NKAIN3: variants seen among roughly 807,000 people sequenced by gnomAD.
The protein encoded by NKAIN3 is sodium/potassium transporting ATPase interacting 3, also known as sodium/potassium-transporting ATPase subunit beta-1-interacting protein 3.
In NKAIN3, 25 loss-of-function variants were observed where a neutral mutation model predicts 30.2. The ratio of observed to expected loss-of-function variants is 0.83; its 90% CI spans 0.60 to 1.16. The LOEUF is 1.16. Among genes scored for constraint, NKAIN3 ranks in the 50% most tolerant of loss-of-function variants. NKAIN3 has a pLI of 0.00. For synonymous variants in NKAIN3, 91 were observed against 89.6 expected, an observed-to-expected ratio of 1.02 and a Z score of -0.09; for missense variants, 225 against 254.1, an observed-to-expected ratio of 0.89 and a Z score of 0.78.
intron 1 of NKAIN3, among the ~76,000 whole-genome samples, chr8:62,266,318 T>A (rs1305066756): frequency 6.6e-6 from 1 of 152,122 alleles, no homozygotes. Flanking sequence ...TACTTTAGAG[T>A]GTGACATGAA....
Position 62,741,362 on chromosome 8 carries a change from A to AGAAGGACGGAAG in NKAIN3, c.274-5564_274-5563insCGGAAGGAAGGA, listed in dbSNP as rs1429910797. ...AGTGAGAGAGAAGAAAGAGAGAGAA[A>AGAAGGACGGAAG]GAAGGAAGGAAGGAAGGAAGGAAGG... On this transcript the variant is annotated intron_variant, in intron 3 of 6. Transcript: ENST00000623646. Among the ~76,000 whole-genome samples the AGAAGGACGGAAG allele has an allele frequency of 4.2e-4, 58 of 138,032 alleles. 1 individual carries two copies. The highest frequency in any genetic ancestry group is 1.9e-3 in the South Asian group (8 of 4,128). 90.6% of individuals were successfully genotyped at this position (138,032 alleles called of 152,430 possible). A position where few individuals can be genotyped will look rare whatever the true frequency, so the allele number is the denominator to read the frequency against.
chr8:62,409,287 C>A (rs1804167596), intron 1 of NKAIN3, among the ~76,000 whole-genome samples: 1 of 152,142 alleles, frequency 6.6e-6, no homozygotes, highest in Admixed American at 6.5e-5. Context: ...CAGGTTAAAG[C>A]AGTTCTCCTT....
intron 1 of NKAIN3, among the ~76,000 whole-genome samples, chr8:62,323,948 G>A (rs1815028777): frequency 6.6e-6 from 1 of 152,076 alleles, no homozygotes; most frequent in African/African-American, 2.4e-5. Context: ...AAGGGATTTT[G>A]GGGTACAGAG....
chr8:62,926,830 GA>G (rs1367145756), intron 5 of NKAIN3, among the ~76,000 whole-genome samples: 1 of 152,130 alleles, frequency 6.6e-6, no homozygotes, highest in Non-Finnish European at 1.5e-5. Flanking sequence ...CTTCCTGACA[GA>G]AAAAGCAGAC....
At chr8:62,560,732 G>C (rs1692773358) in intron 1 of NKAIN3, among the ~76,000 whole-genome samples, 1 of 151,046 alleles carries the variant, frequency 6.6e-6, no homozygotes, top group African/African-American at 2.4e-5. Flanking sequence ...GTAGAGATGG[G>C]GTTTCACCAT....
chr8:62,568,436 C>T (rs888371577), intron 1 of NKAIN3, among the ~76,000 whole-genome samples: 2 of 152,068 alleles, frequency 1.3e-5, no homozygotes, highest in Non-Finnish European at 2.9e-5. Flanking sequence ...AATATATTTG[C>T]CTTTTTCGAC....
intron 1 of NKAIN3, among the ~76,000 whole-genome samples, chr8:62,518,212 T>C (rs1808052667): frequency 6.6e-6 from 1 of 151,946 alleles, no homozygotes; most frequent in Admixed American, 6.6e-5. Context: ...ATACAAAAAT[T>C]AGCCAGGCAT....
rs146777008 is a variant in NKAIN3 at position 62,440,233 on chromosome 8, C to A, written c.55-139306C>A. ...AGAAAATAAATAACAAAGTCCAACC[C>A]AAACTAAAGGTGCCCTTCATGTGTG... On this transcript the variant is annotated intron_variant, in intron 1 of 6. Transcript: ENST00000623646. Among the ~76,000 whole-genome samples the A allele has an allele frequency of 5.2e-3, 798 of 152,178 alleles. 4 individuals are homozygous for A. Among genetic ancestry groups the A allele is most frequent in the African/African-American group, 0.018 (742 of 41,538 alleles).
chr8:62,354,288 T>C (rs1816276299), intron 1 of NKAIN3, among the ~76,000 whole-genome samples: 1 of 151,998 alleles, frequency 6.6e-6, no homozygotes, highest in Non-Finnish European at 1.5e-5. Context: ...TTTTTTTAGG[T>C]GAGTAAACTG....
chr8:62,372,959 C>T (rs1488095365), intron 1 of NKAIN3, among the ~76,000 whole-genome samples: 1 of 152,114 alleles, frequency 6.6e-6, no homozygotes, highest in Admixed American at 6.6e-5. Context: ...ACCAGCAGGA[C>T]AAGCAAATTC....
chr8:62,883,159 C>T (rs1477900260), intron 4 of NKAIN3, among the ~76,000 whole-genome samples: 1 of 152,140 alleles, frequency 6.6e-6, no homozygotes, highest in East Asian at 1.9e-4. Context: ...GAAAGACTGA[C>T]ATGGTGATGA....
intron 4 of NKAIN3, among the ~76,000 whole-genome samples, chr8:62,823,769 T>C (rs1469561145): frequency 6.6e-6 from 1 of 152,166 alleles, no homozygotes; most frequent in African/African-American, 2.4e-5. Context: ...GGCTTTCTAG[T>C]TCTCAGAAAA....
intron 1 of NKAIN3, among the ~76,000 whole-genome samples, chr8:62,467,521 A>G (rs1227189310): frequency 1.3e-5 from 2 of 152,186 alleles, no homozygotes; most frequent in Non-Finnish European, 2.9e-5. Context: ...TCTGAAGTCA[A>G]TATGTAAGCT....
chr8:62,598,544 T>C (rs1348000604), intron 3 of NKAIN3, among the ~76,000 whole-genome samples: 1 of 152,096 alleles, frequency 6.6e-6, no homozygotes, highest in Non-Finnish European at 1.5e-5. Context: ...TGAGCAGACA[T>C]CCTGGTATAA....
chr8:62,856,017 G>A (rs569831109), intron 4 of NKAIN3: 2 of 685,050 alleles, frequency 2.9e-6, no homozygotes, highest in African/African-American at 1.8e-5. Context: ...CATGAACAGG[G>A]AGGGCCTCAG....
chr8:62,256,094 A>G (rs1401249136), intron 1 of NKAIN3, among the ~76,000 whole-genome samples: 1 of 151,960 alleles, frequency 6.6e-6, no homozygotes, highest in Non-Finnish European at 1.5e-5. Flanking sequence ...CTGAGTTGCC[A>G]CTCTAAATGT....
intron 3 of NKAIN3, among the ~76,000 whole-genome samples, chr8:62,606,406 T>C (rs1013013655): frequency 3.3e-5 from 5 of 152,120 alleles, no homozygotes; most frequent in Admixed American, 1.3e-4. Flanking sequence ...TCTAAGACCA[T>C]TTCAGTGCAC....
At chr8:62,958,643 G>C (rs1314319261) in intron 6 of NKAIN3, among the ~76,000 whole-genome samples, 2 of 152,110 alleles carry the variant, frequency 1.3e-5, no homozygotes, top group East Asian at 3.9e-4. Context: ...CCCTCAGGAA[G>C]AAAAATAGCA....
chr8:62,314,492 T>A (rs562584505), intron 1 of NKAIN3, among the ~76,000 whole-genome samples: 1 of 152,310 alleles, frequency 6.6e-6, no homozygotes, highest in Non-Finnish European at 1.5e-5. Flanking sequence ...TTCTAGTGTA[T>A]TCCTTGTAGA....
Sources: gnomAD v4.1 joint callset for allele counts (sites outside exome capture counted in the v4.1 genomes callset) on GRCh38, gnomAD v4.1.1 for gene constraint, MANE v1.5 for transcripts, NCBI Gene and HGNC (gene_info 2026-07-23, HGNC 2026-07-21) for gene names.